The following SPIN1 variants were observed in gnomAD, a reference collection of about 807,000 sequenced individuals.
SPIN1 encodes spindlin 1, also known as spindlin-1.
Under a neutral mutation model 26.0 loss-of-function variants are expected in SPIN1, and 3 were observed. The observed-to-expected ratio is 0.12, with a 90% CI of 0.05 to 0.30. The LOEUF (loss-of-function observed/expected upper bound fraction) is 0.30, where lower values mean the gene tolerates loss of function less well. Ranked by LOEUF, SPIN1 falls within the 10% of genes least tolerant of loss-of-function variation. The probability of loss-of-function intolerance (pLI) is 1.00; values close to 1 mark genes in which losing one functional copy is unlikely to be tolerated. For missense variants in SPIN1, 126 were observed against 333.4 expected (o/e 0.38, Z 4.84); for synonymous variants, 101 against 116.5 (o/e 0.87, Z 0.86).
intron 1 of SPIN1, 78 bp downstream of exon 1, chr9:88,388,616 G>GGGGGCGCAGGTGAGCGCGGCCCGCGC (rs2119015249): frequency 6.8e-6 from 1 of 147,936 alleles, no homozygotes; most frequent in Non-Finnish European, 1.5e-5. Context: ...CGGTCTGCCC[G>GGGGGCGCAGGTGAGCGCGGCCCGCGC]GGGGCGCAGG....
At chr9:88,410,762 T>C (rs1336868633) in intron 1 of SPIN1, 8 of 1,236,780 alleles carry the variant, frequency 6.5e-6, no homozygotes, top group Non-Finnish European at 9.4e-6. Context: ...CCAAATCCAT[T>C]ATAGCCATCC....
At chr9:88,410,987 A>C in intron 1 of SPIN1, 2 of 1,452,420 alleles carry the variant, frequency 1.4e-6, no homozygotes, top group African/African-American at 1.4e-5. Flanking sequence ...AGTCTTATCC[A>C]CGGAGTTGTG....
chr9:88,400,810 ACT>A (rs1031420426), intron 1 of SPIN1, among the ~76,000 whole-genome samples: 1 of 150,136 alleles, frequency 6.7e-6, no homozygotes, highest in Non-Finnish European at 1.5e-5. Flanking sequence ...ATGCCACTGC[ACT>A]CTAGCTGGGG....
At chr9:88,407,618 C>T (rs1827337149) in intron 1 of SPIN1, among the ~76,000 whole-genome samples, 1 of 151,506 alleles carries the variant, frequency 6.6e-6, no homozygotes, top group Non-Finnish European at 1.5e-5. Context: ...CGAGACCAGC[C>T]TGGGCAACAT....
At chr9:88,411,274 G>A in intron 1 of SPIN1, 1 of 1,183,824 alleles carries the variant, frequency 8.4e-7, no homozygotes, top group South Asian at 1.2e-5. Context: ...CCTCCACAGT[G>A]GCATATGTGA....
At chr9:88,404,805 A>G (rs1239633735) in intron 1 of SPIN1, among the ~76,000 whole-genome samples, 1 of 151,348 alleles carries the variant, frequency 6.6e-6, no homozygotes, top group Non-Finnish European at 1.5e-5. Flanking sequence ...AATCCCAGCT[A>G]CTCGGGAGGC....
chr9:88,393,907 G>A (rs1255752131), intron 1 of SPIN1, among the ~76,000 whole-genome samples: 1 of 152,068 alleles, frequency 6.6e-6, no homozygotes, highest in Non-Finnish European at 1.5e-5. Context: ...GAGTGCAGTG[G>A]TGTGACCTTG....
rs543034638 is a variant in SPIN1 at position 88,450,591 on chromosome 9, A to G, written c.101+1602A>G. Among the ~76,000 whole-genome samples the G allele has an allele frequency of 4.3e-4, 65 of 152,316 alleles. 1 individual carries two copies. Among genetic ancestry groups the G allele is most frequent in the Admixed American group, 1.8e-3 (28 of 15,302 alleles). Reference sequence around the variant, plus strand: ...TTCCCTAAAGCATAAGAAACGAAACACCTAAAGTTCGTATACATAGTAACT... The same window carrying G: ...TTCCCTAAAGCATAAGAAACGAAACGCCTAAAGTTCGTATACATAGTAACT... On this transcript the variant is annotated intron_variant, in intron 3 of 5. Coordinates refer to ENST00000375859, the MANE Select transcript of SPIN1 (RefSeq NM_006717.3).
intron 5 of SPIN1, among the ~76,000 whole-genome samples, chr9:88,473,525 TATAG>T (rs1376711633): frequency 6.6e-6 from 1 of 152,242 alleles, no homozygotes; most frequent in African/African-American, 2.4e-5. Flanking sequence ...AACATTTTTT[TATAG>T]ATAAATAGAG....
Position 88,462,601 on chromosome 9 carries a change from T to G in SPIN1, c.207T>G (p.Val69=). Residue 69 remains valine, a synonymous_variant, in exon 4 of 6, where the codon GTT becomes GTG. Coordinates refer to ENST00000375859, the MANE Select transcript of SPIN1 (RefSeq NM_006717.3). ...GGTGGAAAGAGGGGAATGGCCCTGTTACCCAGTGGAAAGGAACCGTTCTGG... is the reference window on the plus strand; with the variant it reads ...GGTGGAAAGAGGGGAATGGCCCTGTGACCCAGTGGAAAGGAACCGTTCTGG... The part of the protein sequence containing the change: ...QHGWKEGNGP[V]TQWKGTVLDQ... 1 of 1,614,150 alleles carries G rather than the reference T, an allele frequency of 6.2e-7. No individual in the cohort carries two copies. Among genetic ancestry groups the G allele is most frequent in the Non-Finnish European group, 8.5e-7 (1 of 1,180,026 alleles).
intron 1 of SPIN1, among the ~76,000 whole-genome samples, chr9:88,423,223 G>GT (rs552742983): frequency 2.1e-3 from 326 of 152,282 alleles, no homozygotes; most frequent in African/African-American, 7.1e-3. Context: ...CAGAATATCA[G>GT]TAAGTTAAAA....
chr9:88,414,666 A>G (rs554979228), intron 1 of SPIN1, among the ~76,000 whole-genome samples: 3 of 152,326 alleles, frequency 2.0e-5, no homozygotes, highest in East Asian at 1.9e-4. Context: ...AACAAATGCA[A>G]TGGGATGGAA....
At chr9:88,414,224 G>A (rs1219993860) in intron 1 of SPIN1, among the ~76,000 whole-genome samples, 1 of 152,120 alleles carries the variant, frequency 6.6e-6, no homozygotes, top group Non-Finnish European at 1.5e-5. Flanking sequence ...TGAATCATTG[G>A]CCTTGAGCTT....
intron 3 of SPIN1, among the ~76,000 whole-genome samples, chr9:88,460,805 C>G (rs1219281312): frequency 6.6e-6 from 1 of 152,230 alleles, no homozygotes; most frequent in East Asian, 1.9e-4. Context: ...TCTGCTGATT[C>G]AGATGCACAG....
chr9:88,403,064 T>G (rs1218030015), intron 1 of SPIN1, among the ~76,000 whole-genome samples: 1 of 152,220 alleles, frequency 6.6e-6, no homozygotes, highest in African/African-American at 2.4e-5. Flanking sequence ...ATGTGAGCAT[T>G]TTTTCATATA....
intron 1 of SPIN1, among the ~76,000 whole-genome samples, chr9:88,401,595 T>C (rs1344897661): frequency 2.0e-5 from 3 of 152,232 alleles, no homozygotes; most frequent in East Asian, 1.9e-4. Context: ...CAAATAGTTA[T>C]ACTGTATTGT....
At chr9:88,440,349 G>T (rs1298885737) in intron 2 of SPIN1, among the ~76,000 whole-genome samples, 1 of 151,738 alleles carries the variant, frequency 6.6e-6, no homozygotes, top group Non-Finnish European at 1.5e-5. Flanking sequence ...AATAGAGACA[G>T]AGTTTCACCA....
At chr9:88,456,164 C>T (rs576096184) in intron 3 of SPIN1, among the ~76,000 whole-genome samples, 1 of 152,238 alleles carries the variant, frequency 6.6e-6, no homozygotes, top group Admixed American at 6.5e-5. Flanking sequence ...AGGCTTTGGA[C>T]AGATATTGCC....
Position 88,426,382 on chromosome 9 carries a change from A to G in SPIN1, c.-158A>G. ...AATGAACTGTTTCACTATTTTACAG[A>G]GTGCTTGTGATTTCACGTATTTTTG... On this transcript the variant is annotated splice_region_variant and 5_prime_UTR_variant, in exon 2 of 6. Coordinates refer to ENST00000375859, the MANE Select transcript of SPIN1 (RefSeq NM_006717.3). The G allele has an allele frequency of 3.6e-6, 2 of 558,736 alleles. No individual in the cohort carries two copies. The highest frequency in any genetic ancestry group is 4.8e-5 in the South Asian group (2 of 41,532). The allele number at this position is 558,736 out of a possible 1,614,324, so 34.6% of individuals were successfully genotyped here. A position where few individuals can be genotyped will look rare whatever the true frequency, so the allele number is the denominator to read the frequency against.
Sources: gnomAD v4.1 joint callset for allele counts (sites outside exome capture counted in the v4.1 genomes callset) on GRCh38, gnomAD v4.1.1 for gene constraint, MANE v1.5 for transcripts, NCBI Gene and HGNC (gene_info 2026-07-23, HGNC 2026-07-21) for gene names.